The following ENTPD4 variants were observed in gnomAD, a reference collection of about 807,000 sequenced individuals.
ENTPD4 encodes ectonucleoside triphosphate diphosphohydrolase 4.
Under a neutral mutation model 79.1 loss-of-function variants are expected in ENTPD4, and 60 were observed. That is an observed-to-expected ratio of 0.76 (90% CI 0.62 to 0.94). The LOEUF is 0.94. Ranked by LOEUF, ENTPD4 falls within the 40% of genes least tolerant of loss-of-function variation. The pLI is 0.00. For missense variants in ENTPD4, 772 were observed against 775.1 expected (o/e 1.00, Z 0.05); for synonymous variants, 276 against 292.0 (o/e 0.95, Z 0.56).
chr8:23,448,977 T>C, intron 2 of ENTPD4, 38 bp from the exon 3 acceptor site: 1 of 1,529,092 alleles, frequency 6.5e-7, no homozygotes, highest in Non-Finnish European at 9.0e-7. Context: ...AGCAATCTGC[T>C]CCAATGAGGC....
intron 7 of ENTPD4, 132 bp downstream of exon 7, chr8:23,441,875 A>G: frequency 8.9e-6 from 10 of 1,122,236 alleles, no homozygotes; most frequent in Middle Eastern, 4.0e-4. Flanking sequence ...ATTACGTTCA[A>G]CTGCAGCTGC....
chr8:23,448,668 G>T, intron 3 of ENTPD4, 74 bp downstream of exon 3: 1 of 1,257,494 alleles, frequency 8.0e-7, no homozygotes, highest in Non-Finnish European at 1.1e-6. Flanking sequence ...ATGGAATTCT[G>T]TTCCAGCAGC....
intron 6 of ENTPD4, among the ~76,000 whole-genome samples, chr8:23,442,636 T>G (rs1395213084): frequency 1.3e-5 from 2 of 151,446 alleles, no homozygotes; most frequent in Non-Finnish European, 2.9e-5. Context: ...TGAGTCAAGA[T>G]CGTGCCACTG....
At chr8:23,445,790 T>C (rs1800754028) in intron 4 of ENTPD4, among the ~76,000 whole-genome samples, 1 of 152,218 alleles carries the variant, frequency 6.6e-6, no homozygotes, top group Admixed American at 6.5e-5. Flanking sequence ...CTTATATTCA[T>C]AGCACCTAAC....
At position 23,432,403 on chromosome 8, in the gene ENTPD4, A is replaced by G. The variant is rs1800470462; in HGVS notation, c.*523T>C. 2.0e-6 allele frequency: 2 copies of G among 985,672 alleles called. No individual in the cohort carries two copies. 61.1% of individuals were successfully genotyped at this position (985,672 alleles called of 1,614,324 possible). On this transcript the variant is annotated 3_prime_UTR_variant, in exon 13 of 13. Coordinates refer to ENST00000358689, the MANE Select transcript of ENTPD4 (RefSeq NM_004901.5). ...ATTTTTGGCAGATATCCTGTGCAGCAAAAATCAAGTGAATTTCCCTCTTCC... is the reference window on the plus strand; with the variant it reads ...ATTTTTGGCAGATATCCTGTGCAGCGAAAATCAAGTGAATTTCCCTCTTCC...
chr8:23,452,589 G>A (rs983275065), intron 1 of ENTPD4, among the ~76,000 whole-genome samples: 1 of 152,150 alleles, frequency 6.6e-6, no homozygotes, highest in African/African-American at 2.4e-5. Flanking sequence ...TTCTGCATTA[G>A]CCAGTCCACA....
At chr8:23,451,075 A>G (rs1585411066) in intron 1 of ENTPD4, among the ~76,000 whole-genome samples, 1 of 142,404 alleles carries the variant, frequency 7.0e-6, no homozygotes, top group East Asian at 2.1e-4. Context: ...AGGCTGGTGG[A>G]GTGCAATGGC....
At chr8:23,436,121 C>A (rs1323152916) in intron 10 of ENTPD4, among the ~76,000 whole-genome samples, 6 of 152,146 alleles carry the variant, frequency 3.9e-5, no homozygotes, top group Non-Finnish European at 1.5e-5. Context: ...TCGGCATAGG[C>A]ACTTCAGGAA....
Position 23,431,465 on chromosome 8 carries a change from C to T in ENTPD4, c.*1461G>A, listed in dbSNP as rs191542982. ...AATAAATAGGTGAAAAAACACCAAT[C>T]TCACATATGCCAATCCAATTGTCCT... On this transcript the variant is annotated 3_prime_UTR_variant, in exon 13 of 13. Coordinates refer to ENST00000358689, the MANE Select transcript of ENTPD4 (RefSeq NM_004901.5). 1.0e-6 allele frequency: 1 copy of T among 985,454 alleles called. No individual in the cohort carries two copies. The highest frequency in any genetic ancestry group is 1.2e-6 in the Non-Finnish European group (1 of 829,928). 61.0% of individuals were successfully genotyped at this position (985,454 alleles called of 1,614,324 possible).
chr8:23,435,424 C>T lies in ENTPD4; in HGVS notation c.1428G>A (p.Leu476=). ...SILRERFDRG[L]YASHADLHRL... ...TGTGGAGGTCAGCATGAGAGGCGTA[C>T]AGTCCTCGGTCAAAGCGTTCCCGCA... Residue 476 remains leucine, a synonymous_variant, in exon 11 of 13, where the codon CTG becomes CTA. Coordinates refer to ENST00000358689, the MANE Select transcript of ENTPD4 (RefSeq NM_004901.5). 1 of 1,613,996 alleles carries T rather than the reference C, an allele frequency of 6.2e-7. No homozygotes were observed.
At chr8:23,457,088 G>A (rs1030447676) in intron 1 of ENTPD4, among the ~76,000 whole-genome samples, 1 of 152,204 alleles carries the variant, frequency 6.6e-6, no homozygotes, top group East Asian at 1.9e-4. Context: ...TCACTTTACT[G>A]CCCAATAAGC....
At position 23,448,914 on chromosome 8, in the gene ENTPD4, C is replaced by G; in HGVS notation, c.34G>C (p.Ala12Pro). 1 of 1,613,610 alleles carries G rather than the reference C, an allele frequency of 6.2e-7. No homozygotes were observed. Among genetic ancestry groups the G allele is most frequent in the African/African-American group, 1.3e-5 (1 of 74,974 alleles). ...GRIGISCLFP[A>P]SWHFSISPVG... Reference sequence around the variant, plus strand: ...GGAGATATGCTAAAATGCCAAGAAGCAGGAAAAAGACAGGAGATGCCAATC... The same window carrying G: ...GGAGATATGCTAAAATGCCAAGAAGGAGGAAAAAGACAGGAGATGCCAATC... The change falls in exon 3 of 13, where the codon GCT (alanine) becomes CCT (proline). Residue 12 changes from alanine (A) to proline (P), a missense_variant. Transcript: ENST00000358689.
intron 12 of ENTPD4, 136 bp from the exon 13 acceptor site, chr8:23,433,290 C>T (rs868096738): frequency 3.0e-6 from 2 of 661,384 alleles, no homozygotes; most frequent in Non-Finnish European, 2.6e-6. Flanking sequence ...AAATGGAGAA[C>T]GGAACAGCCC....
chr8:23,449,800 T>C lies in ENTPD4; in HGVS notation c.8+93A>G, dbSNP rs553653126. 1,424 of 1,151,804 alleles carry C rather than the reference T, an allele frequency of 1.2e-3. 4 individuals are homozygous for C. The highest frequency in any genetic ancestry group is 1.5e-3 in the Non-Finnish European group (1,125 of 759,220). The allele number at this position is 1,151,804 out of a possible 1,614,324, so 71.3% of individuals were successfully genotyped here. On this transcript the variant is annotated intron_variant, in intron 2 of 12. Transcript: ENST00000358689. ...AACAGAAGCACAGCACAACTTCACA[T>C]TTTTCACTTGCGATTTAGATTTTTT...
chr8:23,446,537 T>G (rs566959293), intron 4 of ENTPD4, among the ~76,000 whole-genome samples: 5 of 152,342 alleles, frequency 3.3e-5, no homozygotes, highest in African/African-American at 1.2e-4. Context: ...AAATGTACTC[T>G]GATAAAATAA....
chr8:23,443,373 G>A (rs972308267), intron 6 of ENTPD4, among the ~76,000 whole-genome samples: 7 of 152,116 alleles, frequency 4.6e-5, no homozygotes. Context: ...AATGACAGAC[G>A]GCTTTTGAAA....
At chr8:23,441,926 T>C in intron 7 of ENTPD4, 81 bp downstream of exon 7, 1 of 1,311,406 alleles carries the variant, frequency 7.6e-7, no homozygotes, top group Non-Finnish European at 1.1e-6. Context: ...TCACAAAGCT[T>C]AGCTCTTTTT....
chr8:23,443,767 A>AT, intron 6 of ENTPD4, 83 bp downstream of exon 6: 3 of 771,068 alleles, frequency 3.9e-6, no homozygotes, highest in Non-Finnish European at 2.3e-6. Flanking sequence ...CAATAGGAGT[A>AT]TAACAAAGGG....
chr8:23,457,606 C>A lies in ENTPD4; in HGVS notation c.-147G>T, dbSNP rs943082325. The A allele has an allele frequency of 6.6e-6, 1 of 151,838 alleles. No individual in the cohort carries two copies. The highest frequency in any genetic ancestry group is 6.6e-5 in the Admixed American group (1 of 15,232). 9.4% of individuals were successfully genotyped at this position (151,838 alleles called of 1,614,324 possible). ...GGAGCGGGGGACCACCAGTGGGCAG[C>A]ATCACGGCCAGCCGGCTTCCTGGAG... is the stretch of plus-strand genomic sequence containing the variant. On this transcript the variant is annotated 5_prime_UTR_variant, in exon 1 of 13. An upstream start codon of the reference 5' UTR is lost. Transcript: ENST00000358689.
Sources: gnomAD v4.1 joint callset for allele counts (sites outside exome capture counted in the v4.1 genomes callset) on GRCh38, gnomAD v4.1.1 for gene constraint, MANE v1.5 for transcripts, NCBI Gene and HGNC (gene_info 2026-07-23, HGNC 2026-07-21) for gene names.